The following TMC5 variants were observed in gnomAD, a reference collection of about 807,000 sequenced individuals.
TMC5 encodes the protein transmembrane channel like 5.
In TMC5, 86 loss-of-function variants were observed where a neutral mutation model predicts 110.5. That is an observed-to-expected ratio of 0.78 (90% CI 0.65 to 0.93). The LOEUF (loss-of-function observed/expected upper bound fraction) is 0.93. Among genes scored for constraint, TMC5 ranks in the 40% least tolerant of loss-of-function variants. TMC5 has a pLI of 0.00. For missense variants in TMC5, 1,144 were observed against 1,222.8 expected (o/e 0.94, Z 0.96); for synonymous variants, 455 against 439.5 (o/e 1.04, Z -0.44).
intron 14 of TMC5, 129 bp downstream of exon 14, chr16:19,479,657 T>C: frequency 1.5e-6 from 1 of 687,030 alleles, no homozygotes; most frequent in South Asian, 1.8e-5. Flanking sequence ...CCTGTTGTCC[T>C]TGGGGATACT....
chr16:19,498,174 C>T lies in TMC5; in HGVS notation c.*208C>T, dbSNP rs1475465142. The T allele has an allele frequency of 1.8e-6, 1 of 563,534 alleles. No individual in the cohort carries two copies. Among genetic ancestry groups the T allele is most frequent in the African/African-American group, 1.9e-5 (1 of 52,344 alleles). The allele number at this position is 563,534 out of a possible 1,614,324, so 34.9% of individuals were successfully genotyped here. On this transcript the variant is annotated 3_prime_UTR_variant, in exon 22 of 22. Transcript: ENST00000542583. ...TACCTGGATTGCTGATTTTTCAAGA[C>T]AAAATACTTGGGGTTTTCCAATAAA...
chr16:19,438,429 A>AAG lies in TMC5; in HGVS notation c.-79-1529_-79-1528dup, dbSNP rs1425100604. Reference sequence around the variant, plus strand: ...AAAAAGAAGAAAGAAAAGAAAAAGAAAGAAAGAGAAAGAAAGAAAGAAAGA... The same window carrying AAG: ...AAAAAGAAGAAAGAAAAGAAAAAGAAAGAGAAAGAGAAAGAAAGAAAGAAAGA... On this transcript the variant is annotated intron_variant, in intron 2 of 21. Transcript: ENST00000542583. Among the ~76,000 whole-genome samples the AAG allele has an allele frequency of 6.4e-3, 461 of 72,090 alleles. 2 individuals carry two copies. The highest frequency in any genetic ancestry group is 9.3e-3 in the Non-Finnish European group (334 of 35,786). The allele number at this position is 72,090 out of a possible 152,430, so 47.3% of individuals were successfully genotyped here. A position where few individuals can be genotyped will look rare whatever the true frequency, so the allele number is the denominator to read the frequency against.
intron 9 of TMC5, 99 bp from the exon 10 acceptor site, chr16:19,469,582 C>A: frequency 6.9e-7 from 1 of 1,458,328 alleles, no homozygotes; most frequent in Non-Finnish European, 9.5e-7. Flanking sequence ...CTTCACGTTG[C>A]CTTTCACCAT....
At chr16:19,472,489 T>G (rs917527933) in intron 11 of TMC5, among the ~76,000 whole-genome samples, 1 of 151,754 alleles carries the variant, frequency 6.6e-6, no homozygotes, top group East Asian at 1.9e-4. Flanking sequence ...CTGGGCAACA[T>G]GGAGACTTCA....
intron 2 of TMC5, among the ~76,000 whole-genome samples, chr16:19,438,405 A>AG (rs1967397233): frequency 1.3e-5 from 1 of 74,180 alleles, no homozygotes; most frequent in African/African-American, 5.4e-5. Context: ...AAAAAAAAAA[A>AG]AAAGAAGAAA....
intron 5 of TMC5, among the ~76,000 whole-genome samples, chr16:19,457,564 T>A (rs1449740133): frequency 6.6e-6 from 1 of 152,006 alleles, no homozygotes; most frequent in Non-Finnish European, 1.5e-5. Context: ...TTGTTATCCA[T>A]CGAATTTTTA....
At chr16:19,417,310 T>C (rs1414688798), upstream of TMC5, among the ~76,000 whole-genome samples, 2 of 150,514 alleles carry the variant, frequency 1.3e-5, no homozygotes, top group Non-Finnish European at 3.0e-5. Context: ...TCCCAGCTGC[T>C]TGGGAGGCTG....
At chr16:19,456,573 TAATGTG>T in intron 5 of TMC5, 1 of 1,447,242 alleles carries the variant, frequency 6.9e-7, no homozygotes, top group South Asian at 1.5e-5. Flanking sequence ...ATTTTAAAAA[TAATGTG>T]AATGGTGTAT....
In TMC5 at chr16:19,456,716, G is replaced by A. The variant is rs144248280; in HGVS notation, c.1049-3519G>A. Reference sequence around the variant, plus strand: ...TTGCAGGAGGCAGGAGATGCTGTCCGATGACCACGTGAATGAAATCATCAT... The same window carrying A: ...TTGCAGGAGGCAGGAGATGCTGTCCAATGACCACGTGAATGAAATCATCAT... On this transcript the variant is annotated intron_variant, in intron 5 of 21. Coordinates refer to ENST00000542583, the MANE Select transcript of TMC5 (RefSeq NM_001261841.2). The A allele has an allele frequency of 5.4e-5, 87 of 1,608,114 alleles. No individual in the cohort carries two copies. The African/African-American group carries it at 7.7e-4, about 14-fold the overall frequency.
intron 11 of TMC5, among the ~76,000 whole-genome samples, chr16:19,473,702 G>A (rs771134964): frequency 3.3e-5 from 5 of 152,066 alleles, no homozygotes; most frequent in African/African-American, 4.8e-5. Context: ...TAACCTAGCC[G>A]GGCGCGATGG....
chr16:19,460,953 C>T (rs993727081), intron 6 of TMC5, among the ~76,000 whole-genome samples: 10 of 151,354 alleles, frequency 6.6e-5, no homozygotes, highest in Non-Finnish European at 1.0e-4. Flanking sequence ...CTCAGGAGTT[C>T]GAGACCAGCA....
chr16:19,486,625 C>A (rs887455393), intron 15 of TMC5, among the ~76,000 whole-genome samples: 1 of 152,052 alleles, frequency 6.6e-6, no homozygotes, highest in Non-Finnish European at 1.5e-5. Context: ...GATTCACCCC[C>A]TCTTGGCCTC....
chr16:19,414,912 T>A (rs950083277), upstream of TMC5, among the ~76,000 whole-genome samples: 2 of 152,058 alleles, frequency 1.3e-5, no homozygotes, highest in African/African-American at 4.8e-5. Context: ...GGCATAGTGG[T>A]GAGTTCCTGT....
chr16:19,477,509 T>C lies in TMC5; in HGVS notation c.2160T>C (p.Ser720=), dbSNP rs970660798. Residue 720 remains serine (S), a synonymous_variant, in exon 13 of 22, where the codon TCT becomes TCC. Transcript: ENST00000542583. The part of the protein sequence containing the change: ...CYYWLNTVAL[S]GEECWETLIG... ...ATTGGCTCAACACCGTGGCCCTGTC[T>C]GGTGAAGAGGTGAGATTCTATGCTT... 1.2e-6 allele frequency: 2 copies of C among 1,608,044 alleles called. No homozygotes were observed. The highest frequency in any genetic ancestry group is 1.7e-5 in the Admixed American group (1 of 59,010).
intron 6 of TMC5, among the ~76,000 whole-genome samples, chr16:19,462,922 A>G (rs1359262542): frequency 6.6e-6 from 1 of 150,608 alleles, no homozygotes; most frequent in Admixed American, 6.6e-5. Context: ...AAGAAAAAGG[A>G]AGAAAGAAAT....
At chr16:19,437,713 C>A (rs548400537) in intron 2 of TMC5, among the ~76,000 whole-genome samples, 1 of 152,294 alleles carries the variant, frequency 6.6e-6, no homozygotes, top group East Asian at 1.9e-4. Flanking sequence ...TATTTTCCTT[C>A]TCATCCTTTC....
chr16:19,432,795 G>A (rs567117248), intron 2 of TMC5, among the ~76,000 whole-genome samples: 2 of 152,260 alleles, frequency 1.3e-5, no homozygotes, highest in South Asian at 4.1e-4. Context: ...ATTGTTGGCT[G>A]ATCACATATA....
chr16:19,463,951 T>A lies in TMC5; in HGVS notation c.1412T>A (p.Ile471Asn). The change falls in exon 8 of 22, where the codon ATC (isoleucine) becomes AAC (asparagine). Residue 471 changes from isoleucine (I) to asparagine (N), a missense_variant. Physicochemically the swap from Ile to Asn is moderately radical, Grantham distance 149. Transcript: ENST00000542583. Reference protein sequence around the residue: ...IFSFILNFSFIIIPQFTVAKK... With the variant: ...IFSFILNFSFNIIPQFTVAKK... Reference sequence around the variant, plus strand: ...TCATTCATCCTGAACTTCAGCTTCATCATAATCCCTCAGTTTACCGTGGCC... The same window carrying A: ...TCATTCATCCTGAACTTCAGCTTCAACATAATCCCTCAGTTTACCGTGGCC... 6.2e-7 allele frequency: 1 copy of A among 1,614,226 alleles called. No homozygotes were observed. The highest frequency in any genetic ancestry group is 8.5e-7 in the Non-Finnish European group (1 of 1,180,032).
chr16:19,456,568 A>G, intron 5 of TMC5: 1 of 1,441,260 alleles, frequency 6.9e-7, no homozygotes, highest in Non-Finnish European at 9.1e-7. Context: ...CTGGCATTTT[A>G]AAAATAATGT....
Sources: allele counts gnomAD v4.1 joint callset (sites outside exome capture counted in the v4.1 genomes callset), GRCh38; gene constraint gnomAD v4.1.1; transcripts MANE v1.5; gene names NCBI Gene and HGNC (gene_info 2026-07-23, HGNC 2026-07-21).